The following COL11A1 variants were observed in gnomAD, a reference collection of about 807,000 sequenced individuals.
The protein encoded by COL11A1 is collagen type XI alpha 1 chain, also known as collagen alpha-1(XI) chain.
Under a neutral mutation model 265.2 loss-of-function variants are expected in COL11A1, and 74 were observed. The observed-to-expected ratio is 0.28, with a 90% confidence interval of 0.23 to 0.34. The LOEUF is 0.34. COL11A1 is among the 10% of genes least tolerant of loss of function. The pLI, the probability that COL11A1 is intolerant of heterozygous loss-of-function variation, is 1.00. For synonymous variants in COL11A1, 816 were observed against 727.6 expected, an observed-to-expected ratio of 1.12 and a Z score of -1.96; for missense variants, 2,165 against 2,263.6, an observed-to-expected ratio of 0.96 and a Z score of 0.88.
Position 102,978,753 on chromosome 1 carries a change from C to G in COL11A1, c.2710-1G>C. 6.2e-7 allele frequency: 1 copy of G among 1,614,114 alleles called. No homozygotes were observed. The highest frequency in any genetic ancestry group is 8.5e-7 in the Non-Finnish European group (1 of 1,180,016). ...GAGGGCCATCGCCACCTGAAGTGCC[C>G]TGGCACCAAGAAAAGAAAAGAAAAA... On this transcript the variant is annotated splice_acceptor_variant, in intron 34 of 66. Transcript: ENST00000370096. LOFTEE classifies it high-confidence loss of function.
At chr1:102,946,338 C>A (rs1343791941) in intron 42 of COL11A1, among the ~76,000 whole-genome samples, 2 of 151,550 alleles carry the variant, frequency 1.3e-5, no homozygotes, top group Non-Finnish European at 2.9e-5. Context: ...AAACCCCCCC[C>A]CAAAAAATGT....
chr1:102,911,875 C>A (rs1020627668), intron 54 of COL11A1, among the ~76,000 whole-genome samples: 1 of 152,114 alleles, frequency 6.6e-6, no homozygotes. Context: ...CCACCAAAGT[C>A]TTTTATAATA....
At chr1:102,997,326 T>C (rs892783886) in intron 25 of COL11A1, among the ~76,000 whole-genome samples, 4 of 151,982 alleles carry the variant, frequency 2.6e-5, no homozygotes, top group African/African-American at 9.7e-5. Flanking sequence ...AAGCTTATAT[T>C]TGATGGATGT....
intron 57 of COL11A1, among the ~76,000 whole-genome samples, chr1:102,891,411 C>T (rs958617416): frequency 6.6e-6 from 1 of 151,786 alleles, no homozygotes; most frequent in Non-Finnish European, 1.5e-5. Context: ...AAATATACTT[C>T]TATTTCAATA....
At chr1:103,041,546 T>C (rs1453867203) in intron 4 of COL11A1, among the ~76,000 whole-genome samples, 2 of 151,954 alleles carry the variant, frequency 1.3e-5, no homozygotes, top group Admixed American at 1.3e-4. Context: ...TTTTGCTCTG[T>C]TGCAATCCTC....
chr1:102,978,671 A>G lies in COL11A1; in HGVS notation c.2754+37T>C, dbSNP rs769487657. 6.9e-6 allele frequency: 11 copies of G among 1,604,126 alleles called. No homozygotes were observed. In the East Asian group the frequency reaches 1.8e-4, roughly 26 times the overall value. ...AATCTAAATACTTGCAGAAATACTAATTTTCATTTTATATTATGTGGCTGT... is the reference window on the plus strand; with the variant it reads ...AATCTAAATACTTGCAGAAATACTAGTTTTCATTTTATATTATGTGGCTGT... On this transcript the variant is annotated intron_variant, in intron 35 of 66. Coordinates refer to ENST00000370096, the MANE Select transcript of COL11A1 (RefSeq NM_001854.4).
At chr1:103,007,684 C>T (rs1355552908) in intron 15 of COL11A1, among the ~76,000 whole-genome samples, 1 of 151,662 alleles carries the variant, frequency 6.6e-6, no homozygotes, top group African/African-American at 2.4e-5. Context: ...ATGGTGAAAC[C>T]CCAACTCTAG....
At chr1:103,085,110 C>T (rs1178931510) in intron 1 of COL11A1, among the ~76,000 whole-genome samples, 1 of 152,190 alleles carries the variant, frequency 6.6e-6, no homozygotes, top group Admixed American at 6.5e-5. Flanking sequence ...CATGTCCTCC[C>T]ACCATGCAGT....
intron 4 of COL11A1, among the ~76,000 whole-genome samples, chr1:103,069,325 A>C (rs1381241751): frequency 6.6e-6 from 1 of 151,890 alleles, no homozygotes; most frequent in Non-Finnish European, 1.5e-5. Flanking sequence ...GTCGTTTCAG[A>C]AAAATGTGCT....
chr1:103,000,571 C>T (rs980429000), intron 24 of COL11A1, among the ~76,000 whole-genome samples: 21 of 151,800 alleles, frequency 1.4e-4, no homozygotes, highest in African/African-American at 5.1e-4. Context: ...CATTTCACAC[C>T]AACGAGAATG....
At chr1:103,050,465 G>T (rs1376008070) in intron 4 of COL11A1, among the ~76,000 whole-genome samples, 2 of 152,052 alleles carry the variant, frequency 1.3e-5, no homozygotes, top group African/African-American at 4.8e-5. Context: ...GTCCTTTAAG[G>T]ACTTCTCTGC....
chr1:102,968,901 A>C (rs961175140), intron 37 of COL11A1, among the ~76,000 whole-genome samples: 1 of 152,186 alleles, frequency 6.6e-6, no homozygotes, highest in Non-Finnish European at 1.5e-5. Context: ...GGACTTTATA[A>C]CAGTAATTCT....
intron 47 of COL11A1, among the ~76,000 whole-genome samples, chr1:102,922,613 A>T (rs1656114983): frequency 6.6e-6 from 1 of 152,038 alleles, no homozygotes; most frequent in Admixed American, 6.6e-5. Context: ...GTTAGCCAGG[A>T]TGGTCTCGAT....
chr1:103,032,443 A>C (rs925783717), intron 4 of COL11A1, among the ~76,000 whole-genome samples: 3 of 152,048 alleles, frequency 2.0e-5, no homozygotes, highest in African/African-American at 4.8e-5. Context: ...TGGGTGTAGA[A>C]ACACATATTT....
chr1:103,048,674 CT>C (rs1224535868), intron 4 of COL11A1, among the ~76,000 whole-genome samples: 1 of 152,098 alleles, frequency 6.6e-6, no homozygotes, highest in East Asian at 1.9e-4. Flanking sequence ...TTCTCTAGTT[CT>C]TTTAATTGTG....
At chr1:103,046,277 C>CCCTGA (rs370609823) in intron 4 of COL11A1, among the ~76,000 whole-genome samples, 250 of 16,666 alleles carry the variant, frequency 0.015, 64 homozygotes, top group Non-Finnish European at 0.028. Flanking sequence ...CTCTCCAGCA[C>CCCTGA]CTTTTTAATG....
Position 103,047,616 on chromosome 1 carries a change from C to T in COL11A1, c.652-16372G>A, listed in dbSNP as rs1357991318. On this transcript the variant is annotated intron_variant, in intron 4 of 66. Transcript: ENST00000370096. ...TTATTTCCTTCTCCTGCCTGATTGC[C>T]CTAGGCAGAACTTCCAACGCTATGT... is the stretch of plus-strand genomic sequence containing the variant. Among the ~76,000 whole-genome samples the T allele has an allele frequency of 7.2e-5, 11 of 152,164 alleles. No individual in the cohort carries two copies. In the South Asian group the frequency reaches 1.4e-3, roughly 20 times the overall value.
chr1:102,946,553 T>C (rs551980239), intron 42 of COL11A1, among the ~76,000 whole-genome samples: 3 of 151,514 alleles, frequency 2.0e-5, no homozygotes, highest in Non-Finnish European at 2.9e-5. Context: ...AGGTATAGCT[T>C]CAATAAAAAA....
At chr1:102,985,719 G>A (rs908943929) in intron 30 of COL11A1, among the ~76,000 whole-genome samples, 7 of 152,102 alleles carry the variant, frequency 4.6e-5, no homozygotes, top group African/African-American at 1.2e-4. Context: ...GGTAGTTTAA[G>A]CTCCTGATTT....
Sources: gnomAD v4.1 joint callset for allele counts (sites outside exome capture counted in the v4.1 genomes callset) on GRCh38, gnomAD v4.1.1 for gene constraint, MANE v1.5 for transcripts, NCBI Gene and HGNC (gene_info 2026-07-23, HGNC 2026-07-21) for gene names.